The following UTRN variants were observed in gnomAD, a reference collection of about 807,000 sequenced individuals.
UTRN encodes the protein utrophin, also known as dystrophin-related protein 1.
A neutral mutation model predicts 463.9 loss-of-function variants in UTRN; 283 were observed. That is an observed-to-expected ratio of 0.61 (90% CI 0.55 to 0.67). The LOEUF (loss-of-function observed/expected upper bound fraction) is 0.67. UTRN is among the 30% of genes least tolerant of loss of function. UTRN has a pLI of 0.00. For synonymous variants in UTRN, 1,442 were observed against 1,431.5 expected, an observed-to-expected ratio of 1.01 and a Z score of -0.17; for missense variants, 3,922 against 4,084.3, an observed-to-expected ratio of 0.96 and a Z score of 1.08.
chr6:144,580,946 T>C (rs2128626496), intron 51 of UTRN, among the ~76,000 whole-genome samples: 1 of 152,330 alleles, frequency 6.6e-6, no homozygotes, highest in East Asian at 1.9e-4. Flanking sequence ...GTAGATCTAA[T>C]GACTCAATAG....
chr6:144,642,937 A>G (rs751675462), intron 51 of UTRN, among the ~76,000 whole-genome samples: 4 of 152,170 alleles, frequency 2.6e-5, no homozygotes, highest in Non-Finnish European at 4.4e-5. Context: ...CTGAGTTTAC[A>G]TAAACTTTTT....
Position 144,392,944 on chromosome 6 carries a change from A to AT in UTRN, c.80-10173dup, listed in dbSNP as rs371514351. Among the ~76,000 whole-genome samples the AT allele has an allele frequency of 4.4e-3, 674 of 152,236 alleles. 6 individuals carry two copies. Among genetic ancestry groups the AT allele is most frequent in the African/African-American group, 0.015 (641 of 41,542 alleles). On this transcript the variant is annotated intron_variant, in intron 2 of 74. Coordinates refer to ENST00000367545, the MANE Select transcript of UTRN (RefSeq NM_007124.3). ...CAAAACAAAGAGCAATCCTTTACAA[A>AT]TTTTTTAAATGGCTGGTGCTTGTTG...
chr6:144,787,196 A>G (rs1390925151), intron 61 of UTRN, among the ~76,000 whole-genome samples: 1 of 152,222 alleles, frequency 6.6e-6, no homozygotes, highest in Non-Finnish European at 1.5e-5. Context: ...GACTGGGTCC[A>G]GAGAGTAAAA....
chr6:144,728,524 C>T (rs1788160342), intron 53 of UTRN, among the ~76,000 whole-genome samples: 1 of 150,714 alleles, frequency 6.6e-6, no homozygotes, highest in Non-Finnish European at 1.5e-5. Context: ...GATTTCTTCA[C>T]AAGCTGCGTT....
intron 32 of UTRN, among the ~76,000 whole-genome samples, chr6:144,492,451 T>C (rs1793161198): frequency 6.6e-6 from 1 of 152,334 alleles, no homozygotes; most frequent in East Asian, 1.9e-4. Context: ...TGACATGTCT[T>C]TGCTATTGTG....
chr6:144,743,548 T>C lies in UTRN; in HGVS notation c.7940-4698T>C, dbSNP rs565954031. Among the ~76,000 whole-genome samples, 88 of 152,122 alleles carry C rather than the reference T, an allele frequency of 5.8e-4. 2 individuals are homozygous for C. The highest frequency in any genetic ancestry group is 2.0e-3 in the African/African-American group (82 of 41,500). On this transcript the variant is annotated intron_variant, in intron 54 of 74. Coordinates refer to ENST00000367545, the MANE Select transcript of UTRN (RefSeq NM_007124.3). ...AAAATATTTTTCTAGCATGAGAAAA[T>C]AGGGTTTGCACTTGATAAAATTGGG...
intron 34 of UTRN, among the ~76,000 whole-genome samples, chr6:144,504,922 T>A (rs1794569588): frequency 6.6e-6 from 1 of 152,212 alleles, no homozygotes; most frequent in Admixed American, 6.5e-5. Context: ...TATTAATTAT[T>A]GCCTCAATTT....
chr6:144,550,549 A>T (rs1222467595), intron 47 of UTRN, among the ~76,000 whole-genome samples: 1 of 152,146 alleles, frequency 6.6e-6, no homozygotes, highest in African/African-American at 2.4e-5. Flanking sequence ...CAACCCTATG[A>T]CATTAGTTTG....
chr6:144,301,373 T>C (rs1805230734), intron 2 of UTRN, among the ~76,000 whole-genome samples: 1 of 152,122 alleles, frequency 6.6e-6, no homozygotes. Context: ...CACATGCATA[T>C]GCTTGCTGTC....
intron 54 of UTRN, among the ~76,000 whole-genome samples, chr6:144,732,261 CACATATATATATATAT>C (rs1286905893): frequency 0.09 from 11,030 of 122,418 alleles, 976 homozygotes; most frequent in African/African-American, 0.24. Flanking sequence ...TATATATACA[CACATATATATATATAT>C]ACACACATAT....
intron 3 of UTRN, among the ~76,000 whole-genome samples, chr6:144,417,458 A>G (rs942095192): frequency 5.9e-5 from 9 of 152,212 alleles, no homozygotes; most frequent in Admixed American, 6.5e-5. Context: ...TCGAAATACT[A>G]TTATAAGGAA....
intron 8 of UTRN, 131 bp from the exon 9 acceptor site, chr6:144,429,450 T>C: frequency 1.4e-6 from 1 of 696,510 alleles, no homozygotes; most frequent in East Asian, 3.0e-5. Flanking sequence ...GGCAATTTAC[T>C]GGTATTGCAA....
intron 56 of UTRN, among the ~76,000 whole-genome samples, chr6:144,753,318 T>C (rs1258903359): frequency 1.3e-5 from 2 of 152,168 alleles, no homozygotes; most frequent in Admixed American, 1.3e-4. Flanking sequence ...AACTATAGAA[T>C]GTGTATTTTT....
chr6:144,834,522 T>TA (rs1337727590), intron 69 of UTRN, among the ~76,000 whole-genome samples: 4 of 152,220 alleles, frequency 2.6e-5, no homozygotes, highest in Non-Finnish European at 5.9e-5. Context: ...AACTGTCTGA[T>TA]ACAATTTCAA....
At chr6:144,494,560 G>A (rs1037173754) in intron 33 of UTRN, among the ~76,000 whole-genome samples, 1 of 152,190 alleles carries the variant, frequency 6.6e-6, no homozygotes, top group Non-Finnish European at 1.5e-5. Context: ...CGCGCAGCCT[G>A]CTTTTATTCT....
intron 53 of UTRN, chr6:144,708,029 C>T (rs1785265976): frequency 5.6e-6 from 1 of 177,624 alleles, no homozygotes; most frequent in Non-Finnish European, 1.2e-5. Context: ...ATTAAAAACT[C>T]GTTTCTTAAA....
At chr6:144,812,776 A>C (rs564061423) in intron 65 of UTRN, among the ~76,000 whole-genome samples, 1 of 152,338 alleles carries the variant, frequency 6.6e-6, no homozygotes, top group Non-Finnish European at 1.5e-5. Flanking sequence ...GTTTTGCTAC[A>C]GATAGATGTA....
chr6:144,455,205 A>G (rs1167735986), intron 19 of UTRN, among the ~76,000 whole-genome samples: 3 of 152,346 alleles, frequency 2.0e-5, no homozygotes, highest in African/African-American at 7.2e-5. Flanking sequence ...TGTATTATCA[A>G]TCCATTTATT....
intron 51 of UTRN, among the ~76,000 whole-genome samples, chr6:144,606,772 G>A (rs1804891357): frequency 6.6e-6 from 1 of 152,180 alleles, no homozygotes; most frequent in South Asian, 2.1e-4. Flanking sequence ...GCTTTCTTGA[G>A]TTTTTATCCT....
Sources: gnomAD v4.1 joint callset for allele counts (sites outside exome capture counted in the v4.1 genomes callset) on GRCh38, gnomAD v4.1.1 for gene constraint, MANE v1.5 for transcripts, NCBI Gene and HGNC (gene_info 2026-07-23, HGNC 2026-07-21) for gene names.